The following KLHL41 variants were observed in gnomAD, a reference collection of about 807,000 sequenced individuals.
The protein encoded by KLHL41 is kelch-like protein 41.
Under a neutral mutation model 49.2 loss-of-function variants are expected in KLHL41, and 31 were observed. The ratio of observed to expected loss-of-function variants is 0.63; its 90% confidence interval spans 0.47 to 0.85. The LOEUF is 0.85. Ranked by LOEUF, KLHL41 falls within the 40% of genes least tolerant of loss-of-function variation. The pLI, the probability that KLHL41 is intolerant of heterozygous loss-of-function variation, is 0.00. For synonymous variants in KLHL41, 218 were observed against 258.5 expected, an observed-to-expected ratio of 0.84 and a Z score of 1.50; for missense variants, 663 against 726.7, an observed-to-expected ratio of 0.91 and a Z score of 1.01.
In KLHL41 at chr2:169,518,254, A is replaced by G. The variant is rs34623017; in HGVS notation, c.1441A>G (p.Met481Val). 1.2e-3 allele frequency: 1,996 copies of G among 1,614,100 alleles called. 31 individuals are homozygous for G. In the African/African-American group the frequency reaches 0.022, roughly 18 times the overall value. ...AGGAGATTGGAAAGATCTGGCTCCAATGAAAATTCCTCGTTCCATGTTTGG... is the reference window on the plus strand; with the variant it reads ...AGGAGATTGGAAAGATCTGGCTCCAGTGAAAATTCCTCGTTCCATGTTTGG... ...KKGDWKDLAP[M>V]KIPRSMFGVA... The change falls in exon 4 of 6, where the codon ATG becomes GTG. Residue 481 changes from methionine to valine, a missense_variant. This residue lies in a region of KLHL41 where 528 missense variants were observed against 581.0 expected (regional missense o/e 0.91). Coordinates refer to ENST00000284669, the MANE Select transcript of KLHL41 (RefSeq NM_006063.3).
intron 5 of KLHL41, among the ~76,000 whole-genome samples, chr2:169,523,720 A>G (rs1684237925): frequency 6.6e-6 from 1 of 152,220 alleles, no homozygotes; most frequent in Non-Finnish European, 1.5e-5. Context: ...AATCTACTAC[A>G]GTGGTTCCCA....
chr2:169,515,937 C>A (rs1307758050), intron 3 of KLHL41, among the ~76,000 whole-genome samples: 1 of 152,162 alleles, frequency 6.6e-6, no homozygotes, highest in Non-Finnish European at 1.5e-5. Context: ...CATATATAAA[C>A]CTAACTTGAT....
chr2:169,516,551 C>A (rs1157354653), intron 3 of KLHL41, among the ~76,000 whole-genome samples: 2 of 152,056 alleles, frequency 1.3e-5, no homozygotes, highest in African/African-American at 2.4e-5. Context: ...AGGAACCCTG[C>A]CAAATGATTT....
intron 3 of KLHL41, among the ~76,000 whole-genome samples, chr2:169,515,680 T>C (rs1236550027): frequency 1.3e-5 from 2 of 152,198 alleles, no homozygotes; most frequent in Non-Finnish European, 1.5e-5. Flanking sequence ...AAAAATATCA[T>C]GGATTTGTAC....
intron 4 of KLHL41, among the ~76,000 whole-genome samples, chr2:169,519,442 ACACT>A (rs1470552592): frequency 6.6e-6 from 1 of 152,166 alleles, no homozygotes; most frequent in Non-Finnish European, 1.5e-5. Context: ...ATGTGGGTAA[ACACT>A]CATGATGTAA....
chr2:169,510,205 C>T lies in KLHL41; in HGVS notation c.427C>T (p.Leu143Phe), dbSNP rs138260330. The change falls in exon 1 of 6, where the codon CTT becomes TTT. Residue 143 changes from leucine to phenylalanine, a missense_variant. Around this residue, in one of 3 missense-constraint regions of KLHL41, gnomAD observed 528 missense variants for 581.0 expected, o/e 0.91. Coordinates refer to ENST00000284669, the MANE Select transcript of KLHL41 (RefSeq NM_006063.3). This position sits in a 1 kb window ranked among gnomAD's most constrained non-coding sequence, Gnocchi z 4.2. ...CTGTCTAGCCATCCTAAGATTAGGA[C>T]TTCTTCTTGACTGCCCGAGACTCGC... Reference protein sequence around the residue: ...GNCLAILRLGLLLDCPRLAIS... With the variant: ...GNCLAILRLGFLLDCPRLAIS... 3.7e-6 allele frequency: 6 copies of T among 1,613,794 alleles called. No individual in the cohort carries two copies. The highest frequency in any genetic ancestry group is 5.1e-6 in the Non-Finnish European group (6 of 1,179,924).
At chr2:169,517,769 G>A (rs1684138020) in intron 3 of KLHL41, among the ~76,000 whole-genome samples, 1 of 151,996 alleles carries the variant, frequency 6.6e-6, no homozygotes, top group African/African-American at 2.4e-5. Flanking sequence ...ATTTAAAGTA[G>A]GTATATTTGC....
chr2:169,525,363 G>A (rs1261997990), intron 5 of KLHL41, among the ~76,000 whole-genome samples: 2 of 152,180 alleles, frequency 1.3e-5, no homozygotes, highest in African/African-American at 2.4e-5. Flanking sequence ...ATGCTGAACT[G>A]CCTAGGCATC....
rs571574284 is a variant in KLHL41, at chr2:169,516,787, C to T, written c.1377-1403C>T. 1.3e-4 allele frequency among the ~76,000 whole-genome samples: 19 copies of T among 151,888 alleles called. No homozygotes were observed. In the East Asian group the frequency reaches 3.1e-3, roughly 25 times the overall value. ...CTGTAATCCCAGCACTTTGGGAGACCGAGGCAGGTGGATCACCTGAGGTCG... is the reference window on the plus strand; with the variant it reads ...CTGTAATCCCAGCACTTTGGGAGACTGAGGCAGGTGGATCACCTGAGGTCG... On this transcript the variant is annotated intron_variant, in intron 3 of 5. Coordinates refer to ENST00000284669, the MANE Select transcript of KLHL41 (RefSeq NM_006063.3).
At chr2:169,520,361 C>G (rs1483950326) in intron 4 of KLHL41, among the ~76,000 whole-genome samples, 2 of 150,040 alleles carry the variant, frequency 1.3e-5, no homozygotes, top group African/African-American at 4.9e-5. Context: ...CCAGGCTGGT[C>G]GCATACTCCT....
In KLHL41 at chr2:169,518,296, G is replaced by A; in HGVS notation, c.1483G>A (p.Gly495Ser). Residue 495 changes from glycine to serine, a missense_variant, in exon 4 of 6, where the codon GGC (glycine) becomes AGC (serine). By Grantham distance (56) the Gly-to-Ser change is moderately conservative. Around this residue, in one of 3 missense-constraint regions of KLHL41, gnomAD observed 528 missense variants for 581.0 expected, o/e 0.91. Coordinates refer to ENST00000284669, the MANE Select transcript of KLHL41 (RefSeq NM_006063.3). ...RSMFGVAVHKGKIVIAGGVTE... is the reference protein window; with the variant it reads ...RSMFGVAVHKSKIVIAGGVTE... ...CATGTTTGGAGTAGCAGTCCATAAAGGCAAAATTGTGATTGCAGGAGGTGT... is the reference window on the plus strand; with the variant it reads ...CATGTTTGGAGTAGCAGTCCATAAAAGCAAAATTGTGATTGCAGGAGGTGT... The A allele has an allele frequency of 6.2e-7, 1 of 1,614,066 alleles. No homozygotes were observed. Among genetic ancestry groups the A allele is most frequent in the African/African-American group, 1.3e-5 (1 of 75,058 alleles).
chr2:169,518,481 T>C, intron 4 of KLHL41, 106 bp downstream of exon 4: 1 of 770,506 alleles, frequency 1.3e-6, no homozygotes, highest in Non-Finnish European at 2.0e-6. Context: ...GAGGGGAGGG[T>C]ACAGAGCCAC....
intron 3 of KLHL41, among the ~76,000 whole-genome samples, chr2:169,516,023 A>C (rs1684111011): frequency 6.6e-6 from 1 of 152,220 alleles, no homozygotes; most frequent in Non-Finnish European, 1.5e-5. Context: ...TGAGCTCCGA[A>C]TGCTTCAGAG....
rs1410206500 is a variant in KLHL41 at position 169,520,742 on chromosome 2, C to T, written c.1563-119C>T. ...TGCTGGGATTACCGGCATGAGCCAC[C>T]GCGCCTGGCTGCCTGGCCACTACTT... On this transcript the variant is annotated intron_variant, in intron 4 of 5. Coordinates refer to ENST00000284669, the MANE Select transcript of KLHL41 (RefSeq NM_006063.3). The T allele has an allele frequency of 4.4e-5, 34 of 776,088 alleles. 1 individual carries two copies. The South Asian group carries it at 4.7e-4, about 11-fold the overall frequency. 48.1% of individuals were successfully genotyped at this position (776,088 alleles called of 1,614,324 possible).
chr2:169,520,776 A>T (rs1684190678), intron 4 of KLHL41, 85 bp from the exon 5 acceptor site: 4 of 1,174,910 alleles, frequency 3.4e-6, no homozygotes, highest in South Asian at 3.0e-5. Context: ...TTGAATTTTT[A>T]AATTATTATT....
At chr2:169,511,007 C>A in intron 1 of KLHL41, 119 bp downstream of exon 1, 1 of 819,784 alleles carries the variant, frequency 1.2e-6, no homozygotes. Flanking sequence ...ATGTCCTATT[C>A]CAGTCCCTTG....
intron 3 of KLHL41, 39 bp downstream of exon 3, chr2:169,515,000 CTT>C (rs778165438): frequency 1.1e-5 from 13 of 1,183,752 alleles, no homozygotes; most frequent in Admixed American, 2.4e-5. Context: ...GTCTAAATGA[CTT>C]TTTATTAGAA....
At chr2:169,519,999 ATT>A (rs200474250) in intron 4 of KLHL41, among the ~76,000 whole-genome samples, 10 of 151,244 alleles carry the variant, frequency 6.6e-5, no homozygotes, top group African/African-American at 1.9e-4. Flanking sequence ...TGCTCCTTGA[ATT>A]TTTTTTTCCC....
chr2:169,520,314 G>GTGTC (rs1553531991), intron 4 of KLHL41, among the ~76,000 whole-genome samples: 2 of 103,442 alleles, frequency 1.9e-5, no homozygotes, highest in Non-Finnish European at 4.2e-5. Context: ...GTGTGTGTAT[G>GTGTC]TGTGTGTGTG....
Sources: gnomAD v4.1 joint callset for allele counts (sites outside exome capture counted in the v4.1 genomes callset) on GRCh38, gnomAD v4.1.1 for gene constraint, gnomAD v4.1.1 regional missense constraint, Gnocchi (gnomAD v3.1) non-coding constraint, MANE v1.5 for transcripts, NCBI Gene and HGNC (gene_info 2026-07-23, HGNC 2026-07-21) for gene names.